Variants in LPCAT1 observed in about 807,000 individuals in gnomAD.
LPCAT1 encodes lysophosphatidylcholine acyltransferase 1.
Under a neutral mutation model 60.9 loss-of-function variants are expected in LPCAT1, and 23 were observed. That is an observed-to-expected ratio of 0.38 (90% confidence interval 0.27 to 0.53). The LOEUF is 0.53. Among genes scored for constraint, LPCAT1 ranks in the 20% least tolerant of loss-of-function variants. The pLI, the probability that LPCAT1 is intolerant of heterozygous loss-of-function variation, is 0.82. For missense variants in LPCAT1, 622 were observed against 723.6 expected (o/e 0.86, Z 1.61); for synonymous variants, 340 against 301.1 (o/e 1.13, Z -1.34).
In LPCAT1 at chr5:1,481,016, C is replaced by A. The variant is rs1270955831; in HGVS notation, c.727-40G>T. The A allele has an allele frequency of 3.1e-6, 5 of 1,593,004 alleles. No individual in the cohort carries two copies. Among genetic ancestry groups the A allele is most frequent in the South Asian group, 1.1e-5 (1 of 90,628 alleles). On this transcript the variant is annotated intron_variant, in intron 6 of 13. Coordinates refer to ENST00000283415, the MANE Select transcript of LPCAT1 (RefSeq NM_024830.5). The surrounding 1 kb of genome is among the most constrained non-coding windows in gnomAD (Gnocchi z 7.8). ...GCAGGGTCAGTCAGCATGGGGCCTGCACCCAGGGCCTGCACCAAGCACCTG... is the reference window on the plus strand; with the variant it reads ...GCAGGGTCAGTCAGCATGGGGCCTGAACCCAGGGCCTGCACCAAGCACCTG...
At chr5:1,471,120 C>CT (rs1387443577) in intron 11 of LPCAT1, among the ~76,000 whole-genome samples, 196 bp from the exon 12 acceptor site, 1 of 152,216 alleles carries the variant, frequency 6.6e-6, no homozygotes, top group East Asian at 1.9e-4. Context: ...GTGTACACTT[C>CT]TTGGGGCCAT....
intron 1 of LPCAT1, among the ~76,000 whole-genome samples, chr5:1,511,595 CTGCTCACCT>C (rs994522217): frequency 5.9e-5 from 9 of 152,196 alleles, no homozygotes; most frequent in African/African-American, 1.9e-4. Flanking sequence ...GGGATGTCAT[CTGCTCACCT>C]TGCTCACCTT....
chr5:1,522,590 G>C lies in LPCAT1; in HGVS notation c.135+1120C>G, dbSNP rs1040759530. Reference sequence around the variant, plus strand: ...GACCAGCCGCATCAAGGGGCTTTGAGCAAAAGCAGGCGTCCTGGGAAAATG... The same window carrying C: ...GACCAGCCGCATCAAGGGGCTTTGACCAAAAGCAGGCGTCCTGGGAAAATG... On this transcript the variant is annotated intron_variant, in intron 1 of 13. Coordinates refer to ENST00000283415, the MANE Select transcript of LPCAT1 (RefSeq NM_024830.5). This position sits in a 1 kb window ranked among gnomAD's most constrained non-coding sequence, Gnocchi z 6.8. Among the ~76,000 whole-genome samples, 1 of 152,220 alleles carries C rather than the reference G, an allele frequency of 6.6e-6. No individual in the cohort carries two copies. The highest frequency in any genetic ancestry group is 2.4e-5 in the African/African-American group (1 of 41,448).
chr5:1,492,256 G>T, intron 3 of LPCAT1, among the ~76,000 whole-genome samples: 1 of 152,014 alleles, frequency 6.6e-6, no homozygotes, highest in African/African-American at 2.4e-5. Flanking sequence ...CTGGAGCCTG[G>T]GGAGATGTCT....
At chr5:1,508,506 C>T (rs1039231137) in intron 1 of LPCAT1, among the ~76,000 whole-genome samples, 12 of 152,090 alleles carry the variant, frequency 7.9e-5, no homozygotes, top group Non-Finnish European at 2.9e-5. Context: ...TGTGAGGACA[C>T]AGGGTGAAGG....
chr5:1,477,423 C>T lies in LPCAT1; in HGVS notation c.880G>A (p.Val294Met), dbSNP rs773868926. The part of the protein sequence containing the change: ...KRNPALYASN[V>M]RRVMAEALGV... The stretch of plus-strand genomic sequence containing the variant: ...ACTTACTCGGCCATGACTCGCCGCA[C>T]GTTGCTGGCATACAGCGCGGGGTTC... Residue 294 changes from valine to methionine, a missense_variant, in exon 9 of 14, where the codon GTG (valine) becomes ATG (methionine). Val to Met is a conservative substitution (Grantham distance 21). Coordinates refer to ENST00000283415, the MANE Select transcript of LPCAT1 (RefSeq NM_024830.5). This position sits in a 1 kb window ranked among gnomAD's most constrained non-coding sequence, Gnocchi z 6.0. 8.1e-6 allele frequency: 13 copies of T among 1,613,906 alleles called. No individual in the cohort carries two copies. Among genetic ancestry groups the T allele is most frequent in the Non-Finnish European group, 1.0e-5 (12 of 1,179,948 alleles).
rs546831701 is a variant in LPCAT1 at position 1,475,817 on chromosome 5, C to CA, written c.900-1133_900-1132insT. ...CATCTCCACTCCGAGTGGGGCTGCA[C>CA]GGCCCCGCCCAGGCCCAGGAGTCCG... On this transcript the variant is annotated intron_variant, in intron 9 of 13. Coordinates refer to ENST00000283415, the MANE Select transcript of LPCAT1 (RefSeq NM_024830.5). Among the ~76,000 whole-genome samples the CA allele has an allele frequency of 7.1e-3, 583 of 82,340 alleles. 15 individuals are homozygous for CA. The highest frequency in any genetic ancestry group is 0.013 in the Non-Finnish European group (384 of 30,600). 54.0% of individuals were successfully genotyped at this position (82,340 alleles called of 152,430 possible).
rs1736678326 is a variant in LPCAT1 at position 1,521,583 on chromosome 5, A to C, written c.135+2127T>G. On this transcript the variant is annotated intron_variant, in intron 1 of 13. Coordinates refer to ENST00000283415, the MANE Select transcript of LPCAT1 (RefSeq NM_024830.5). The surrounding 1 kb of genome is among the most constrained non-coding windows in gnomAD (Gnocchi z 4.3). ...AACTTTGAGAACGTTTACAAACTAA[A>C]CCCTTGAGCCACACATTGCAGACAT... The C allele has an allele frequency of 1.0e-5, 6 of 583,710 alleles. No individual in the cohort carries two copies. Among genetic ancestry groups the C allele is most frequent in the African/African-American group, 2.0e-5 (1 of 49,226 alleles). The allele number at this position is 583,710 out of a possible 1,614,324, so 36.2% of individuals were successfully genotyped here.
rs1332422485 is a variant in LPCAT1 at position 1,477,141 on chromosome 5, C to CG, written c.899+262_899+263insC. The stretch of plus-strand genomic sequence containing the variant: ...ATTTAGGGCACAGGAAACATAGGAC[C>CG]TGGGGTGACCAACGGCTGCAGGCAG... On this transcript the variant is annotated intron_variant, in intron 9 of 13. Coordinates refer to ENST00000283415, the MANE Select transcript of LPCAT1 (RefSeq NM_024830.5). The surrounding 1 kb of genome is among the most constrained non-coding windows in gnomAD (Gnocchi z 6.0). Among the ~76,000 whole-genome samples, 1 of 152,194 alleles carries CG rather than the reference C, an allele frequency of 6.6e-6. No homozygotes were observed. Among genetic ancestry groups the CG allele is most frequent in the Admixed American group, 6.5e-5 (1 of 15,290 alleles).
Position 1,476,372 on chromosome 5 carries a change from T to C in LPCAT1, c.899+1032A>G, listed in dbSNP as rs539252236. Among the ~76,000 whole-genome samples, 1 of 152,134 alleles carries C rather than the reference T, an allele frequency of 6.6e-6. No individual in the cohort carries two copies. Among genetic ancestry groups the C allele is most frequent in the South Asian group, 2.1e-4 (1 of 4,820 alleles). ...GGGCCCATTTCTACCCTCGGACACA[T>C]GCTTTGGGAGGGAGAGGATGGGAAC... On this transcript the variant is annotated intron_variant, in intron 9 of 13. Transcript: ENST00000283415. This position sits in a 1 kb window ranked among gnomAD's most constrained non-coding sequence, Gnocchi z 8.6.
chr5:1,510,393 C>T (rs1405689782), intron 1 of LPCAT1, among the ~76,000 whole-genome samples: 2 of 152,242 alleles, frequency 1.3e-5, no homozygotes, highest in Non-Finnish European at 2.9e-5. Context: ...CTCACCAGAA[C>T]CCTCGGCACC....
chr5:1,483,342 A>C lies in LPCAT1; in HGVS notation c.726+86T>G. On this transcript the variant is annotated intron_variant, in intron 6 of 13. Transcript: ENST00000283415. The surrounding 1 kb of genome is among the most constrained non-coding windows in gnomAD (Gnocchi z 9.2). ...GCGCAGATAAAGGGTGTGGAGAGAC[A>C]GAGACACAGGTGCACAGAGGCAGCT... is the stretch of plus-strand genomic sequence containing the variant. 7.4e-7 allele frequency: 1 copy of C among 1,360,114 alleles called. No homozygotes were observed. Among genetic ancestry groups the C allele is most frequent in the Non-Finnish European group, 1.1e-6 (1 of 949,596 alleles). 84.3% of individuals were successfully genotyped at this position (1,360,114 alleles called of 1,614,324 possible).
rs1399198947 is a variant in LPCAT1 at position 1,477,314 on chromosome 5, C to T, written c.899+90G>A. 1 of 1,086,802 alleles carries T rather than the reference C, an allele frequency of 9.2e-7. No homozygotes were observed. Among genetic ancestry groups the T allele is most frequent in the African/African-American group, 1.6e-5 (1 of 63,992 alleles). 67.3% of individuals were successfully genotyped at this position (1,086,802 alleles called of 1,614,324 possible). ...CGCACTTCTGCAAGAATGCCTTTTC[C>T]TAACGCTGTTGCCTATTTTAAATAT... On this transcript the variant is annotated intron_variant, in intron 9 of 13. Coordinates refer to ENST00000283415, the MANE Select transcript of LPCAT1 (RefSeq NM_024830.5). This position sits in a 1 kb window ranked among gnomAD's most constrained non-coding sequence, Gnocchi z 6.0.
chr5:1,521,102 T>A lies in LPCAT1; in HGVS notation c.135+2608A>T, dbSNP rs1267970109. ...TTTACCGCTCTCTACTAAATCTATA[T>A]CCTTGCTTTAGCCAGAGGATTAAAA... On this transcript the variant is annotated intron_variant, in intron 1 of 13. Coordinates refer to ENST00000283415, the MANE Select transcript of LPCAT1 (RefSeq NM_024830.5). The surrounding 1 kb of genome is among the most constrained non-coding windows in gnomAD (Gnocchi z 4.3). Among the ~76,000 whole-genome samples, 1 of 152,174 alleles carries A rather than the reference T, an allele frequency of 6.6e-6. No homozygotes were observed. The highest frequency in any genetic ancestry group is 2.4e-5 in the African/African-American group (1 of 41,428).
At position 1,463,828 on chromosome 5, in the gene LPCAT1, G is replaced by A; in HGVS notation, c.1428C>T (p.Phe476=). 6.2e-7 allele frequency: 1 copy of A among 1,614,038 alleles called. No individual in the cohort carries two copies. Among genetic ancestry groups the A allele is most frequent in the Non-Finnish European group, 8.5e-7 (1 of 1,179,916 alleles). ...CAGGGTACATTTCTGCAAACCTGTG[G>A]AAGTCAGCTGGAAAGACAAAGGCAC... ...EEKGKITFAD[F]HRFAEMYPAF... The change falls in exon 14 of 14, where the codon TTC becomes TTT. Residue 476 remains phenylalanine (F), a synonymous_variant. Coordinates refer to ENST00000283415, the MANE Select transcript of LPCAT1 (RefSeq NM_024830.5).
intron 11 of LPCAT1, among the ~76,000 whole-genome samples, chr5:1,473,638 G>C (rs1281468202): frequency 6.6e-6 from 1 of 152,192 alleles, no homozygotes; most frequent in Non-Finnish European, 1.5e-5. Context: ...TGGTGAGCAG[G>C]GGACCCTGCA....
chr5:1,492,140 G>C, intron 3 of LPCAT1, among the ~76,000 whole-genome samples: 1 of 151,368 alleles, frequency 6.6e-6, no homozygotes, highest in Non-Finnish European at 1.5e-5. Context: ...TTATCTCTGA[G>C]CTGGGACCAC....
At chr5:1,466,942 C>G in intron 12 of LPCAT1, 52 bp from the exon 13 acceptor site, 3 of 1,463,092 alleles carry the variant, frequency 2.1e-6, no homozygotes, top group South Asian at 1.4e-5. Flanking sequence ...GCCCACCAGG[C>G]CCCGCTGTCC....
intron 13 of LPCAT1, 110 bp from the exon 14 acceptor site, chr5:1,463,945 G>A (rs1383019208): frequency 4.4e-6 from 5 of 1,131,358 alleles, no homozygotes; most frequent in Non-Finnish European, 6.4e-6. Context: ...GCCCTCCAGG[G>A]AGGGTTAGAA....
Sources: gnomAD v4.1 joint callset for allele counts (sites outside exome capture counted in the v4.1 genomes callset) on GRCh38, gnomAD v4.1.1 for gene constraint, Gnocchi (gnomAD v3.1) non-coding constraint, MANE v1.5 for transcripts, NCBI Gene and HGNC (gene_info 2026-07-23, HGNC 2026-07-21) for gene names.